SPMIP2: variants seen among roughly 807,000 people sequenced by gnomAD.
SPMIP2 encodes the protein sperm microtubule inner protein 2, also known as protein SPMIP2.
At chr4:159,026,592 A>C in the SPMIP2 span, 1 of 401,684 alleles carries the variant, frequency 2.5e-6, no homozygotes, top group Non-Finnish European at 4.6e-6. Context: ...CAATGGGCAA[A>C]TCTCCATACT....
chr4:159,053,787 T>C, the SPMIP2 span, among the ~76,000 whole-genome samples: 29 of 151,978 alleles, frequency 1.9e-4, no homozygotes, highest in African/African-American at 7.0e-4. Context: ...TTTCTTTCCT[T>C]CAATTAGAAA....
the SPMIP2 span, among the ~76,000 whole-genome samples, chr4:159,001,404 A>G: frequency 2.0e-5 from 3 of 152,160 alleles, no homozygotes; most frequent in Non-Finnish European, 4.4e-5. Flanking sequence ...CAAGTTTGTT[A>G]TATAGGTAAA....
chr4:158,943,413 G>A, the SPMIP2 span, among the ~76,000 whole-genome samples: 1 of 152,120 alleles, frequency 6.6e-6, no homozygotes, highest in Admixed American at 6.6e-5. Flanking sequence ...ACTTCAAGTG[G>A]GCCTTCTTTG....
chr4:158,923,592 T>C, the SPMIP2 span, among the ~76,000 whole-genome samples: 1 of 152,206 alleles, frequency 6.6e-6, no homozygotes, highest in East Asian at 1.9e-4. Flanking sequence ...ATTGAACTTA[T>C]TAGTTGTAAT....
At chr4:159,035,180 C>A in the SPMIP2 span, 1 of 1,117,754 alleles carries the variant, frequency 8.9e-7, no homozygotes, top group South Asian at 1.3e-5. Context: ...ACGAAAGACT[C>A]TGCAGTCTTT....
the SPMIP2 span, among the ~76,000 whole-genome samples, chr4:159,047,613 C>T: frequency 1.3e-5 from 2 of 152,310 alleles, no homozygotes; most frequent in African/African-American, 2.4e-5. Context: ...GCCACAGATT[C>T]TTGGTAATCT....
the SPMIP2 span, among the ~76,000 whole-genome samples, chr4:159,004,945 A>C: frequency 6.6e-6 from 1 of 151,872 alleles, no homozygotes; most frequent in African/African-American, 2.4e-5. Context: ...GTTTTAAAAA[A>C]CCATCGGCCA....
chr4:159,018,757 C>A, the SPMIP2 span, among the ~76,000 whole-genome samples: 1 of 152,022 alleles, frequency 6.6e-6, no homozygotes. Context: ...ATAATGAAGT[C>A]AACAGGTGGT....
the SPMIP2 span, among the ~76,000 whole-genome samples, chr4:159,038,102 A>G: frequency 1.3e-4 from 20 of 152,268 alleles, no homozygotes; most frequent in Admixed American, 5.9e-4. Context: ...AGATTGCTAC[A>G]AAGTGTAGTT....
the SPMIP2 span, among the ~76,000 whole-genome samples, chr4:159,011,536 G>A: frequency 6.7e-6 from 1 of 149,916 alleles, no homozygotes; most frequent in Non-Finnish European, 1.5e-5. Context: ...TGGTTCACCT[G>A]AGGTCGGGAG....
chr4:159,042,473 A>G, the SPMIP2 span, among the ~76,000 whole-genome samples: 1 of 152,196 alleles, frequency 6.6e-6, no homozygotes, highest in South Asian at 2.1e-4. Context: ...GTGTATTGCC[A>G]TTCTGACTTG....
chr4:159,043,034 C>T, the SPMIP2 span, among the ~76,000 whole-genome samples: 13 of 152,196 alleles, frequency 8.5e-5, no homozygotes, highest in Non-Finnish European at 1.9e-4. Context: ...GGCACCATGC[C>T]ATTCTTATTC....
the SPMIP2 span, among the ~76,000 whole-genome samples, chr4:159,044,952 G>A: frequency 6.6e-6 from 1 of 152,150 alleles, no homozygotes; most frequent in African/African-American, 2.4e-5. Context: ...ATTGGTCAGT[G>A]TGATGGCAGC....
chr4:158,916,884 TCCTCCCACCTCAG>T, the SPMIP2 span, among the ~76,000 whole-genome samples: 44 of 152,274 alleles, frequency 2.9e-4, 1 homozygote, highest in East Asian at 3.7e-3. Flanking sequence ...CCTCAGGCCA[TCCTCCCACCTCAG>T]CCTCCCAAAG....
the SPMIP2 span, among the ~76,000 whole-genome samples, chr4:159,064,964 T>C: frequency 6.6e-6 from 1 of 152,244 alleles, no homozygotes; most frequent in African/African-American, 2.4e-5. Context: ...TTTGGTTCCA[T>C]AGCTTTGCAT....
chr4:158,902,079 G>T, the SPMIP2 span, among the ~76,000 whole-genome samples: 2 of 151,970 alleles, frequency 1.3e-5, no homozygotes, highest in African/African-American at 4.8e-5. Flanking sequence ...CTGGTTTTTT[G>T]AATTTTCAGC....
At chr4:159,044,924 T>C in the SPMIP2 span, among the ~76,000 whole-genome samples, 87 of 152,070 alleles carry the variant, frequency 5.7e-4, 2 homozygotes, top group Non-Finnish European at 1.0e-3. Flanking sequence ...AAACCCCATC[T>C]CTACTAGAAA....
the SPMIP2 span, among the ~76,000 whole-genome samples, chr4:158,993,933 T>G: frequency 1.3e-5 from 2 of 152,262 alleles, no homozygotes; most frequent in Non-Finnish European, 2.9e-5. Context: ...GATTGAAGAA[T>G]AATGTCTTCC....
the SPMIP2 span, among the ~76,000 whole-genome samples, chr4:158,913,725 C>A: frequency 6.6e-6 from 1 of 151,800 alleles, no homozygotes; most frequent in African/African-American, 2.4e-5. Flanking sequence ...CCTAGCTACT[C>A]AGGAGGCTGA....
Sources: allele counts gnomAD v4.1 joint callset (sites outside exome capture counted in the v4.1 genomes callset), GRCh38; gene constraint gnomAD v4.1.1; transcripts MANE v1.5; gene names NCBI Gene and HGNC (gene_info 2026-07-23, HGNC 2026-07-21).